Variants in SLC4A4 observed in about 807,000 individuals in gnomAD.
SLC4A4 encodes the protein electrogenic sodium bicarbonate cotransporter 1.
In SLC4A4, 27 loss-of-function variants were observed where a neutral mutation model predicts 111.5. The ratio of observed to expected loss-of-function variants is 0.24; its 90% CI spans 0.18 to 0.33. The LOEUF (loss-of-function observed/expected upper bound fraction) is 0.33. Among genes scored for constraint, SLC4A4 ranks in the 10% least tolerant of loss-of-function variants. The probability of loss-of-function intolerance (pLI) is 1.00; values close to 1 mark genes in which losing one functional copy is unlikely to be tolerated. For missense variants in SLC4A4, 909 were observed against 1,315.5 expected (o/e 0.69, Z 4.78); for synonymous variants, 443 against 463.4 (o/e 0.96, Z 0.57).
chr4:71,166,041 A>G lies in SLC4A4; in HGVS notation c.-1-70535A>G, dbSNP rs540569527. 5.9e-5 allele frequency among the ~76,000 whole-genome samples: 9 copies of G among 152,308 alleles called. No homozygotes were observed. In the South Asian group the frequency reaches 1.7e-3, roughly 28 times the overall value. On this transcript the variant is annotated intron_variant, in intron 2 of 26. Transcript: ENST00000649996. ...GAGTCCAGTTGTTTTGTCCATAAAA[A>G]GAAAAATTTCCTATTGATAATGGAT...
At chr4:71,414,016 T>C (rs1034370664) in intron 7 of SLC4A4, among the ~76,000 whole-genome samples, 1 of 152,180 alleles carries the variant, frequency 6.6e-6, no homozygotes, top group Non-Finnish European at 1.5e-5. Context: ...TCTTATCTGC[T>C]TTTTCAGTGC....
At chr4:71,275,128 GC>G in intron 3 of SLC4A4, among the ~76,000 whole-genome samples, 1 of 152,188 alleles carries the variant, frequency 6.6e-6, no homozygotes, top group Non-Finnish European at 1.5e-5. Flanking sequence ...TTCTTTCACT[GC>G]CACAGCAGGA....
chr4:71,241,327 T>G (rs1720200948), intron 2 of SLC4A4, among the ~76,000 whole-genome samples: 1 of 152,102 alleles, frequency 6.6e-6, no homozygotes, highest in Non-Finnish European at 1.5e-5. Flanking sequence ...AACTTTTTCA[T>G]TCTCCTACTC....
intron 3 of SLC4A4, among the ~76,000 whole-genome samples, chr4:71,289,438 T>C (rs567132826): frequency 1.3e-5 from 2 of 152,318 alleles, no homozygotes; most frequent in South Asian, 2.1e-4. Flanking sequence ...TACCAACATA[T>C]TCTAAATGTT....
chr4:71,260,282 A>T (rs1172906160), intron 3 of SLC4A4, among the ~76,000 whole-genome samples: 1 of 152,154 alleles, frequency 6.6e-6, no homozygotes, highest in African/African-American at 2.4e-5. Flanking sequence ...TTCCCAGTGC[A>T]CACCCCTCCC....
chr4:71,160,831 A>G (rs1354485608), intron 2 of SLC4A4, among the ~76,000 whole-genome samples: 1 of 152,190 alleles, frequency 6.6e-6, no homozygotes, highest in Non-Finnish European at 1.5e-5. Context: ...AAGGATTTGC[A>G]CTAATTTTTC....
intron 3 of SLC4A4, among the ~76,000 whole-genome samples, chr4:71,321,195 T>C (rs1008652217): frequency 2.6e-5 from 4 of 152,060 alleles, no homozygotes; most frequent in African/African-American, 9.7e-5. Flanking sequence ...AGTTAAGTGA[T>C]ATGAATAATT....
chr4:71,433,487 AG>A (rs1274053441), intron 7 of SLC4A4, among the ~76,000 whole-genome samples: 3 of 151,828 alleles, frequency 2.0e-5, no homozygotes, highest in Non-Finnish European at 4.4e-5. Flanking sequence ...CATAAAAAAA[AG>A]AAATCTGTAA....
chr4:71,239,158 T>C (rs1288132806), intron 2 of SLC4A4, among the ~76,000 whole-genome samples: 1 of 152,212 alleles, frequency 6.6e-6, no homozygotes, highest in Non-Finnish European at 1.5e-5. Context: ...TGGAACACTT[T>C]ATATTATTAT....
At chr4:71,089,538 T>C (rs913891140) in intron 1 of SLC4A4, among the ~76,000 whole-genome samples, 1 of 152,048 alleles carries the variant, frequency 6.6e-6, no homozygotes, top group Non-Finnish European at 1.5e-5. Flanking sequence ...TTATCTACCT[T>C]TGGTCTTTGA....
At chr4:71,541,976 A>G (rs2149226889) in intron 18 of SLC4A4, among the ~76,000 whole-genome samples, 1 of 152,234 alleles carries the variant, frequency 6.6e-6, no homozygotes, top group East Asian at 1.9e-4. Flanking sequence ...TCATTCAGAT[A>G]CTTTTAACTC....
At chr4:71,417,051 A>G (rs1403703844) in intron 7 of SLC4A4, among the ~76,000 whole-genome samples, 1 of 152,192 alleles carries the variant, frequency 6.6e-6, no homozygotes, top group Non-Finnish European at 1.5e-5. Flanking sequence ...TGGAGCTATC[A>G]GTGTCCCTGC....
At chr4:71,537,983 G>A (rs1436950018) in intron 18 of SLC4A4, among the ~76,000 whole-genome samples, 1 of 152,062 alleles carries the variant, frequency 6.6e-6, no homozygotes, top group Non-Finnish European at 1.5e-5. Flanking sequence ...TCTAGTGGAT[G>A]AGCCATAGTT....
intron 14 of SLC4A4, chr4:71,473,185 A>G (rs759635511): frequency 1.0e-4 from 71 of 679,632 alleles, no homozygotes; most frequent in Middle Eastern, 2.6e-4. Flanking sequence ...CTGGAATGTG[A>G]ACATAACCAA....
chr4:71,444,566 A>G (rs1470756577), intron 8 of SLC4A4, among the ~76,000 whole-genome samples: 1 of 152,214 alleles, frequency 6.6e-6, no homozygotes, highest in Non-Finnish European at 1.5e-5. Flanking sequence ...CTGGATAAAA[A>G]TAACATCTGT....
chr4:71,414,090 A>G (rs978907429), intron 7 of SLC4A4, among the ~76,000 whole-genome samples: 1 of 152,238 alleles, frequency 6.6e-6, no homozygotes, highest in African/African-American at 2.4e-5. Context: ...TGAGCTTATG[A>G]TGAAACTGTG....
chr4:71,161,519 C>T (rs1322116186), intron 2 of SLC4A4, among the ~76,000 whole-genome samples: 1 of 152,126 alleles, frequency 6.6e-6, no homozygotes, highest in Non-Finnish European at 1.5e-5. Flanking sequence ...GTTGGCTAAC[C>T]TTATTTGTAA....
chr4:71,416,449 T>C (rs1721833230), intron 7 of SLC4A4, among the ~76,000 whole-genome samples: 1 of 152,184 alleles, frequency 6.6e-6, no homozygotes, highest in Non-Finnish European at 1.5e-5. Context: ...TCTTGCTCTC[T>C]CACAAAACAT....
At chr4:71,489,272 G>T (rs1036521559) in intron 15 of SLC4A4, among the ~76,000 whole-genome samples, 1 of 151,688 alleles carries the variant, frequency 6.6e-6, no homozygotes, top group Non-Finnish European at 1.5e-5. Context: ...TGAACTCAGG[G>T]TTTTCTGCCT....
Sources: allele counts gnomAD v4.1 joint callset (sites outside exome capture counted in the v4.1 genomes callset), GRCh38; gene constraint gnomAD v4.1.1; transcripts MANE v1.5; gene names NCBI Gene and HGNC (gene_info 2026-07-23, HGNC 2026-07-21).